Variants in UQCRC1 observed in about 807,000 individuals in gnomAD.
UQCRC1 encodes cytochrome b-c1 complex subunit 1, mitochondrial.
UQCRC1 carries 34 observed loss-of-function variants against 58.0 expected under a neutral mutation model. That is an observed-to-expected ratio of 0.59 (90% CI 0.45 to 0.78). The LOEUF (loss-of-function observed/expected upper bound fraction) is 0.78, where lower values mean the gene tolerates loss of function less well. Among genes scored for constraint, UQCRC1 ranks in the 30% least tolerant of loss-of-function variants. The pLI, the probability that UQCRC1 is intolerant of heterozygous loss-of-function variation, is 0.00. For missense variants in UQCRC1, 610 were observed against 646.0 expected, an observed-to-expected ratio of 0.94 and a Z score of 0.60; for synonymous variants, 276 against 248.8, an observed-to-expected ratio of 1.11 and a Z score of -1.03.
chr3:48,609,014 G>A, intron 2 of UQCRC1, 148 bp downstream of exon 2: 1 of 1,071,962 alleles, frequency 9.3e-7, no homozygotes, highest in Non-Finnish European at 1.3e-6. Flanking sequence ...GGCTAGGGTA[G>A]GGAATGGGGC....
chr3:48,600,575 G>C lies in UQCRC1; in HGVS notation c.1128-8C>G, dbSNP rs564377121. ...CTGGTACACAGGCGCATCCTAAAGT[G>C]GGGGGGTGGGTGGTATTCATTCTGA... On this transcript the variant is annotated splice_region_variant and splice_polypyrimidine_tract_variant and intron_variant, in intron 9 of 12. Coordinates refer to ENST00000203407, the MANE Select transcript of UQCRC1 (RefSeq NM_003365.3). The C allele has an allele frequency of 7.4e-5, 120 of 1,613,860 alleles. No homozygotes were observed. The South Asian group carries it at 1.2e-3, about 16-fold the overall frequency.
At chr3:48,609,335 G>C (rs1466301656) in intron 1 of UQCRC1, 33 bp from the exon 2 acceptor site, 1 of 1,586,972 alleles carries the variant, frequency 6.3e-7, no homozygotes, top group Middle Eastern at 1.7e-4. Context: ...GTGAGGACTC[G>C]GTCAGGGGAT....
chr3:48,603,350 G>A (rs140768933), intron 6 of UQCRC1, among the ~76,000 whole-genome samples: 2 of 152,188 alleles, frequency 1.3e-5, no homozygotes, highest in African/African-American at 2.4e-5. Context: ...GTACCAGAGG[G>A]ACAGCATCCT....
intron 6 of UQCRC1, 137 bp downstream of exon 6, chr3:48,603,427 G>A (rs965776876): frequency 2.2e-5 from 17 of 779,466 alleles, no homozygotes; most frequent in Non-Finnish European, 3.4e-5. Flanking sequence ...ACAGGAGGAA[G>A]GTCATTCCCC....
chr3:48,606,261 C>G (rs548361328), intron 2 of UQCRC1, among the ~76,000 whole-genome samples: 1 of 152,294 alleles, frequency 6.6e-6, no homozygotes, highest in South Asian at 2.1e-4. Context: ...TGCCTTTGTT[C>G]TGGCAATGAT....
Position 48,609,152 on chromosome 3 carries a change from C to T in UQCRC1, c.210+10G>A, listed in dbSNP as rs774490781. On this transcript the variant is annotated intron_variant, in intron 2 of 12. Transcript: ENST00000203407. ...TGGAGGCCCTCTCCCCAAAAGCGTC[C>T]CCAACTCACCGTGCAAGTGGGCTGA... is the stretch of plus-strand genomic sequence containing the variant. The T allele has an allele frequency of 6.2e-7, 1 of 1,601,886 alleles. No individual in the cohort carries two copies. Among genetic ancestry groups the T allele is most frequent in the Non-Finnish European group, 8.5e-7 (1 of 1,171,048 alleles).
intron 12 of UQCRC1, 197 bp from the exon 13 acceptor site, chr3:48,599,389 T>C (rs1422271709): frequency 4.2e-6 from 3 of 712,856 alleles, no homozygotes; most frequent in African/African-American, 3.6e-5. Flanking sequence ...CCACCCCACA[T>C]GGAGGTGCCC....
At chr3:48,599,521 G>A in intron 12 of UQCRC1, 114 bp downstream of exon 12, 5 of 1,167,420 alleles carry the variant, frequency 4.3e-6, no homozygotes, top group Non-Finnish European at 6.2e-6. Context: ...GCTGCTTGGG[G>A]CCTTAACTGG....
rs1013047073 is a variant in UQCRC1 at position 48,602,178 on chromosome 3, G to A, written c.707-711C>T. 3.3e-5 allele frequency among the ~76,000 whole-genome samples: 5 copies of A among 152,082 alleles called. No individual in the cohort carries two copies. The East Asian group carries it at 7.7e-4, about 24-fold the overall frequency. On this transcript the variant is annotated intron_variant, in intron 6 of 12. Coordinates refer to ENST00000203407, the MANE Select transcript of UQCRC1 (RefSeq NM_003365.3). ...CCATTCTCCTGCCTCAGCCTCCCGA[G>A]TAGCTGGGACTATAGGCGCCCGCCA...
intron 7 of UQCRC1, 49 bp from the exon 8 acceptor site, chr3:48,601,167 A>T (rs1405032202): frequency 6.4e-7 from 1 of 1,572,368 alleles, no homozygotes; most frequent in Admixed American, 1.7e-5. Context: ...TGCCAGGGGA[A>T]CAGAAAAGGT....
In UQCRC1 at chr3:48,599,619, C is replaced by G; in HGVS notation, c.1378+16G>C. ...CTGAGGAAATAAACAAAGAGCAGAC[C>G]CCCTAGGCCACTTACCATATCCAGC... On this transcript the variant is annotated intron_variant, in intron 12 of 12. Coordinates refer to ENST00000203407, the MANE Select transcript of UQCRC1 (RefSeq NM_003365.3). 6.2e-7 allele frequency: 1 copy of G among 1,613,458 alleles called. No homozygotes were observed. The highest frequency in any genetic ancestry group is 8.5e-7 in the Non-Finnish European group (1 of 1,179,724).
Position 48,606,215 on chromosome 3 carries a change from TAAC to T in UQCRC1, c.211-362_211-360del, listed in dbSNP as rs759994101. Among the ~76,000 whole-genome samples the T allele has an allele frequency of 7.2e-4, 109 of 152,226 alleles. 1 individual carries two copies. Among genetic ancestry groups the T allele is most frequent in the Non-Finnish European group, 9.4e-4 (64 of 68,038 alleles). ...AAGCATACAACATATCATTTGCAAA[TAAC>T]AACTTATTTTTTCCTTTCTAAAAAT... On this transcript the variant is annotated intron_variant, in intron 2 of 12. Transcript: ENST00000203407.
chr3:48,600,257 T>C, intron 10 of UQCRC1, 106 bp from the exon 11 acceptor site: 4 of 1,301,102 alleles, frequency 3.1e-6, no homozygotes, highest in Non-Finnish European at 4.4e-6. Flanking sequence ...CCTGACCTCA[T>C]GCTGACTCAG....
intron 6 of UQCRC1, 100 bp from the exon 7 acceptor site, chr3:48,601,567 G>A: frequency 9.5e-7 from 1 of 1,055,498 alleles, no homozygotes; most frequent in Admixed American, 2.0e-5. Flanking sequence ...CTGTCTTAGT[G>A]GGAGAAACCA....
chr3:48,600,602 C>T lies in UQCRC1; in HGVS notation c.1128-35G>A, dbSNP rs780224588. 2.5e-6 allele frequency: 4 copies of T among 1,614,078 alleles called. No individual in the cohort carries two copies. In the East Asian group the frequency reaches 8.9e-5, roughly 36 times the overall value. ...GGGGGTGGGTGGTATTCATTCTGAGCCAGTGTGTCATCTCTCAGCCTCCCA... is the reference window on the plus strand; with the variant it reads ...GGGGGTGGGTGGTATTCATTCTGAGTCAGTGTGTCATCTCTCAGCCTCCCA... On this transcript the variant is annotated intron_variant, in intron 9 of 12. Transcript: ENST00000203407.
chr3:48,601,605 G>A, intron 6 of UQCRC1, 138 bp from the exon 7 acceptor site: 1 of 790,596 alleles, frequency 1.3e-6, no homozygotes, highest in Non-Finnish European at 2.1e-6. Context: ...AACAGGGTGA[G>A]GAAAGAAGGT....
chr3:48,604,676 C>T lies in UQCRC1; in HGVS notation c.402G>A (p.Lys134=). The change falls in exon 4 of 13, where the codon AAG becomes AAA. Residue 134 remains lysine (K), a synonymous_variant. Transcript: ENST00000203407. ...CTTTCGGCAGATCCTTGGACAGCGC[C>T]TTGATGTAGTAAGCTGTGTGCTCCC... ...STREHTAYYI[K]ALSKDLPKAV... The T allele has an allele frequency of 6.2e-7, 1 of 1,614,182 alleles. No homozygotes were observed. Among genetic ancestry groups the T allele is most frequent in the Non-Finnish European group, 8.5e-7 (1 of 1,180,022 alleles).
At chr3:48,603,945 A>G (rs2046388686) in intron 5 of UQCRC1, 2 of 584,586 alleles carry the variant, frequency 3.4e-6, no homozygotes, top group Non-Finnish European at 6.1e-6. Flanking sequence ...TCCCGGAGCC[A>G]TCCACAAAGG....
intron 2 of UQCRC1, among the ~76,000 whole-genome samples, chr3:48,606,109 CTG>C (rs1192066938): frequency 6.6e-6 from 1 of 152,234 alleles, no homozygotes; most frequent in African/African-American, 2.4e-5. Context: ...ACACTTCTAA[CTG>C]TGCACATTTA....
Sources: allele counts gnomAD v4.1 joint callset (sites outside exome capture counted in the v4.1 genomes callset), GRCh38; gene constraint gnomAD v4.1.1; transcripts MANE v1.5; gene names NCBI Gene and HGNC (gene_info 2026-07-23, HGNC 2026-07-21).